ADAMTS2: variants seen among roughly 807,000 people sequenced by gnomAD.
ADAMTS2 encodes ADAM metallopeptidase with thrombospondin type 1 motif 2.
ADAMTS2 carries 50 observed loss-of-function variants against 123.0 expected under a neutral mutation model. That is an observed-to-expected ratio of 0.41 (90% CI 0.32 to 0.51). ADAMTS2 has a LOEUF of 0.51. Among genes scored for constraint, ADAMTS2 ranks in the 20% least tolerant of loss-of-function variants. The pLI, the probability that ADAMTS2 is intolerant of heterozygous loss-of-function variation, is 0.35. For synonymous variants in ADAMTS2, 678 were observed against 695.4 expected (o/e 0.98, Z 0.39); for missense variants, 1,494 against 1,705.2 (o/e 0.88, Z 2.18).
At chr5:179,277,173 C>A (rs1376645347) in intron 2 of ADAMTS2, among the ~76,000 whole-genome samples, 1 of 152,156 alleles carries the variant, frequency 6.6e-6, no homozygotes, top group Non-Finnish European at 1.5e-5. Context: ...CTCACACAGC[C>A]AGAAGCCTCC....
At chr5:179,336,021 T>A (rs1367373003) in intron 2 of ADAMTS2, among the ~76,000 whole-genome samples, 1 of 152,180 alleles carries the variant, frequency 6.6e-6, no homozygotes, top group Admixed American at 6.5e-5. Flanking sequence ...ACATTGAAAT[T>A]TCAGATTAGG....
intron 5 of ADAMTS2, among the ~76,000 whole-genome samples, chr5:179,168,062 G>A (rs1420847798): frequency 6.6e-6 from 1 of 152,242 alleles, no homozygotes; most frequent in Non-Finnish European, 1.5e-5. Flanking sequence ...CAGCAGGGAG[G>A]TTGGGTTCTG....
Position 179,345,078 on chromosome 5 carries a change from G to C in ADAMTS2, c.139+112C>G. The C allele has an allele frequency of 1.2e-6, 1 of 834,132 alleles. No individual in the cohort carries two copies. Among genetic ancestry groups the C allele is most frequent in the Non-Finnish European group, 1.5e-6 (1 of 680,856 alleles). The allele number at this position is 834,132 out of a possible 1,614,324, so 51.7% of individuals were successfully genotyped here. ...GCCAACTTGGCCCCGGGCGGGGCGC[G>C]CGGAGTTTGCCCAAGTCAGGCTGGA... is the stretch of plus-strand genomic sequence containing the variant. On this transcript the variant is annotated intron_variant, in intron 1 of 21. Transcript: ENST00000251582. The surrounding 1 kb of genome is among the most constrained non-coding windows in gnomAD (Gnocchi z 7.5).
At chr5:179,207,473 C>T (rs200221533) in intron 4 of ADAMTS2, 40 bp downstream of exon 4, 18 of 938,082 alleles carry the variant, frequency 1.9e-5, no homozygotes, top group Middle Eastern at 2.2e-4. Flanking sequence ...CCTGGTTGAC[C>T]CTCCCCGCCC....
intron 5 of ADAMTS2, among the ~76,000 whole-genome samples, chr5:179,172,266 T>TC (rs1763837262): frequency 6.6e-6 from 1 of 152,188 alleles, no homozygotes; most frequent in Non-Finnish European, 1.5e-5. Flanking sequence ...CCCCATGTTG[T>TC]CCCTGGGAAG....
chr5:179,134,837 CCCCCAG>C, intron 13 of ADAMTS2, among the ~76,000 whole-genome samples: 1 of 96,018 alleles, frequency 1.0e-5, no homozygotes, highest in African/African-American at 4.4e-5. Flanking sequence ...CCGGCTCCAG[CCCCCAG>C]CTCCCGGCTC....
intron 3 of ADAMTS2, among the ~76,000 whole-genome samples, chr5:179,211,992 G>T (rs773665333): frequency 6.6e-6 from 1 of 152,252 alleles, no homozygotes; most frequent in Non-Finnish European, 1.5e-5. Context: ...CACCAGAGAG[G>T]AGGAGTGGGC....
chr5:179,275,799 G>A lies in ADAMTS2; in HGVS notation c.535-2735C>T, dbSNP rs551305123. Among the ~76,000 whole-genome samples, 14 of 152,374 alleles carry A rather than the reference G, an allele frequency of 9.2e-5. 1 individual carries two copies. In the South Asian group the frequency reaches 2.5e-3, roughly 27 times the overall value. On this transcript the variant is annotated intron_variant, in intron 2 of 21. Transcript: ENST00000251582. ...CGGACGTCCGGCCTCAGAACTGTGA[G>A]AGAACGAATTCCTGCTGTTTTAAGT...
intron 4 of ADAMTS2, among the ~76,000 whole-genome samples, chr5:179,193,564 G>A (rs989711756): frequency 3.9e-5 from 6 of 152,184 alleles, no homozygotes; most frequent in African/African-American, 1.4e-4. Flanking sequence ...TCATAGAAGC[G>A]AAGGCATAAG....
intron 2 of ADAMTS2, among the ~76,000 whole-genome samples, chr5:179,338,854 C>T (rs1181536666): frequency 1.3e-5 from 2 of 151,868 alleles, no homozygotes; most frequent in African/African-American, 2.4e-5. Flanking sequence ...TGGCACCAGG[C>T]GTGGAGGGAA....
rs1309722733 is a variant in ADAMTS2, at chr5:179,132,049, G to C, written c.2290+181C>G. On this transcript the variant is annotated intron_variant, in intron 15 of 21. Transcript: ENST00000251582. The surrounding 1 kb of genome is among the most constrained non-coding windows in gnomAD (Gnocchi z 6.1). ...CCCAAACCCTGGCCTCTCCACAAGG[G>C]GAGGACCCTGGGAAAGGGCCCAGGT... Among the ~76,000 whole-genome samples the C allele has an allele frequency of 6.6e-6, 1 of 152,230 alleles. No individual in the cohort carries two copies. The highest frequency in any genetic ancestry group is 2.4e-5 in the African/African-American group (1 of 41,476).
chr5:179,311,348 C>T (rs1167033523), intron 2 of ADAMTS2, among the ~76,000 whole-genome samples: 2 of 152,290 alleles, frequency 1.3e-5, no homozygotes, highest in Admixed American at 6.5e-5. Flanking sequence ...GGGCAGGCGC[C>T]GCCTGGCTCA....
chr5:179,199,976 A>G (rs907604014), intron 4 of ADAMTS2, among the ~76,000 whole-genome samples: 1 of 152,220 alleles, frequency 6.6e-6, no homozygotes, highest in Non-Finnish European at 1.5e-5. Context: ...GTTGAGAGAC[A>G]GAGAGACAGA....
In ADAMTS2 at chr5:179,345,449, G is replaced by C. The variant is rs953120443; in HGVS notation, c.-121C>G. The C allele has an allele frequency of 1.3e-5, 12 of 934,464 alleles. No individual in the cohort carries two copies. The highest frequency in any genetic ancestry group is 1.8e-5 in the African/African-American group (1 of 55,976). The allele number at this position is 934,464 out of a possible 1,614,324, so 57.9% of individuals were successfully genotyped here. A position where few individuals can be genotyped will look rare whatever the true frequency, so the allele number is the denominator to read the frequency against. On this transcript the variant is annotated 5_prime_UTR_variant, in exon 1 of 22. Transcript: ENST00000251582. This position sits in a 1 kb window ranked among gnomAD's most constrained non-coding sequence, Gnocchi z 7.5. ...CGCAGCTGCAGCACCGCAGGGCGCG[G>C]GGCGGAGGAGGCGAGGCGCGGAGGG...
intron 2 of ADAMTS2, among the ~76,000 whole-genome samples, chr5:179,340,550 G>A (rs1006514632): frequency 6.6e-6 from 1 of 152,216 alleles, no homozygotes; most frequent in Non-Finnish European, 1.5e-5. Flanking sequence ...AGGCATGCAG[G>A]AAAAGGCAAC....
At chr5:179,267,719 C>T (rs1040091840) in intron 3 of ADAMTS2, among the ~76,000 whole-genome samples, 2 of 152,180 alleles carry the variant, frequency 1.3e-5, no homozygotes, top group Non-Finnish European at 2.9e-5. Context: ...GAGGGGACCC[C>T]AGGCATGACA....
At chr5:179,283,549 C>CAAAAAAAAAAAAAAAAAAAAAAAAACAAA (rs3986816) in intron 2 of ADAMTS2, among the ~76,000 whole-genome samples, 3 of 51,326 alleles carry the variant, frequency 5.8e-5, no homozygotes, top group Admixed American at 2.5e-4. Context: ...AGAAAAACAG[C>CAAAAAAAAAAAAAAAAAAAAAAAAACAAA]AAAAAAAAAA....
intron 10 of ADAMTS2, among the ~76,000 whole-genome samples, chr5:179,150,587 C>T (rs111240301): frequency 0.013 from 2,052 of 152,240 alleles, 23 homozygotes; most frequent in Non-Finnish European, 0.022. Flanking sequence ...GGTTATTCAG[C>T]GATCGAGAGA....
rs1432193547 is a variant in ADAMTS2 at position 179,343,877 on chromosome 5, C to T, written c.424G>A (p.Glu142Lys). 1.3e-6 allele frequency: 2 copies of T among 1,595,372 alleles called. No individual in the cohort carries two copies. Residue 142 changes from glutamate to lysine, a missense_variant, in exon 2 of 22, where the codon GAG becomes AAG. By Grantham distance (56) the Glu-to-Lys change is moderately conservative. Transcript: ENST00000251582. ...GGCTCCACGCGGGTGGTGCCCTTCTCGCCCTGCCACTCCATAGTGGCCCCG... is the reference window on the plus strand; with the variant it reads ...GGCTCCACGCGGGTGGTGCCCTTCTTGCCCTGCCACTCCATAGTGGCCCCG... ...APGATMEWQG[E>K]KGTTRVEPLL...
Sources: allele counts gnomAD v4.1 joint callset (sites outside exome capture counted in the v4.1 genomes callset), GRCh38; gene constraint gnomAD v4.1.1; non-coding constraint Gnocchi (gnomAD v3.1); transcripts MANE v1.5; gene names NCBI Gene and HGNC (gene_info 2026-07-23, HGNC 2026-07-21).